The following SEMA6B variants were observed in gnomAD, a reference collection of about 807,000 sequenced individuals.
SEMA6B encodes the protein semaphorin-6B.
A neutral mutation model predicts 78.6 loss-of-function variants in SEMA6B; 47 were observed. That is an observed-to-expected ratio of 0.60 (90% CI 0.47 to 0.76). The LOEUF is 0.76. Ranked by LOEUF, SEMA6B falls within the 30% of genes least tolerant of loss-of-function variation. The probability of loss-of-function intolerance (pLI) is 0.00; values close to 1 mark genes in which losing one functional copy is unlikely to be tolerated. For synonymous variants in SEMA6B, 632 were observed against 592.2 expected, an observed-to-expected ratio of 1.07 and a Z score of -0.98; for missense variants, 1,213 against 1,269.9, an observed-to-expected ratio of 0.96 and a Z score of 0.68.
chr19:4,543,863 G>C lies in SEMA6B; in HGVS notation c.2405C>G (p.Ser802Cys). ...HASPDRRRVV[S>C]APTGPLDPAS... ...TGGGTCCAAGGGGCCCGTGGGCGCG[G>C]ACACCACCCGCCGGCGGTCCGGGCT... The change falls in exon 17 of 17, where the codon TCC becomes TGC. Residue 802 changes from serine to cysteine, a missense_variant. Physicochemically the swap from Ser to Cys is moderately radical, Grantham distance 112 (BLOSUM62 -1). Transcript: ENST00000586582. The C allele has an allele frequency of 1.7e-6, 2 of 1,208,564 alleles. No homozygotes were observed. The highest frequency in any genetic ancestry group is 1.0e-6 in the Non-Finnish European group (1 of 973,218). The allele number at this position is 1,208,564 out of a possible 1,614,324, so 74.9% of individuals were successfully genotyped here.
intron 8 of SEMA6B, 137 bp from the exon 9 acceptor site, chr19:4,554,613 G>A (rs1977421028): frequency 1.5e-6 from 1 of 687,910 alleles, no homozygotes; most frequent in African/African-American, 1.8e-5. Flanking sequence ...CTCAAAGTTT[G>A]GTATTTTGCA....
Position 4,542,806 on chromosome 19 carries a change from A to G in SEMA6B, c.*795T>C. On this transcript the variant is annotated 3_prime_UTR_variant, in exon 17 of 17. Transcript: ENST00000586582. ...ACCTTCGCCGCCCCCCAGGCCCCCAAGCCCTTTAGACAGCTGCTGCCGATG... is the reference window on the plus strand; with the variant it reads ...ACCTTCGCCGCCCCCCAGGCCCCCAGGCCCTTTAGACAGCTGCTGCCGATG... 1 of 701,276 alleles carries G rather than the reference A, an allele frequency of 1.4e-6. No homozygotes were observed. Among genetic ancestry groups the G allele is most frequent in the Non-Finnish European group, 2.6e-6 (1 of 384,614 alleles). 43.4% of individuals were successfully genotyped at this position (701,276 alleles called of 1,614,324 possible). A position where few individuals can be genotyped will look rare whatever the true frequency, so the allele number is the denominator to read the frequency against.
In SEMA6B at chr19:4,550,874, T is replaced by C. The variant is rs1568255388; in HGVS notation, c.1046A>G (p.Glu349Gly). ...FDLTQVAAVF[E>G]GRFREQKSPE... The stretch of plus-strand genomic sequence containing the variant: ...GGACTTCTGCTCTCGGAAGCGGCCT[T>C]CAAACACAGCTGCCACCTGTGTCAG... The change falls in exon 11 of 17, where the codon GAA becomes GGA. Residue 349 changes from glutamate to glycine, a missense_variant. Glu to Gly is a moderately conservative substitution (Grantham distance 98). Transcript: ENST00000586582. The surrounding 1 kb of genome is among the most constrained non-coding windows in gnomAD (Gnocchi z 6.6). The C allele has an allele frequency of 1.2e-6, 2 of 1,613,370 alleles. No individual in the cohort carries two copies. The highest frequency in any genetic ancestry group is 1.3e-5 in the African/African-American group (1 of 74,878).
At chr19:4,546,369 C>T (rs368640812) in intron 15 of SEMA6B, 23 bp downstream of exon 15, 2 of 1,585,394 alleles carry the variant, frequency 1.3e-6, no homozygotes, top group South Asian at 1.1e-5. Context: ...ACACCCTCCA[C>T]CCACCTCCCT....
chr19:4,554,207 C>A (rs1050957806), intron 9 of SEMA6B, among the ~76,000 whole-genome samples, 181 bp downstream of exon 9: 9 of 152,228 alleles, frequency 5.9e-5, no homozygotes, highest in African/African-American at 2.2e-4. Flanking sequence ...GAGTGCTCCA[C>A]GGCTGCTCCG....
In SEMA6B at chr19:4,555,581, G is replaced by A. The variant is rs765370788; in HGVS notation, c.472-17C>T. 2 of 1,604,274 alleles carry A rather than the reference G, an allele frequency of 1.2e-6. No individual in the cohort carries two copies. The stretch of plus-strand genomic sequence containing the variant: ...GGTGTCTATCTGCAGGGACCATGGG[G>A]CCTGAGTGACAGATCTCCTGACCCC... On this transcript the variant is annotated splice_polypyrimidine_tract_variant and intron_variant, in intron 6 of 16. Coordinates refer to ENST00000586582, the MANE Select transcript of SEMA6B (RefSeq NM_032108.4). This position sits in a 1 kb window ranked among gnomAD's most constrained non-coding sequence, Gnocchi z 6.1.
Position 4,544,890 on chromosome 19 carries a change from C to A in SEMA6B, c.1739-361G>T, listed in dbSNP as rs537927966. Among the ~76,000 whole-genome samples the A allele has an allele frequency of 3.9e-5, 6 of 152,008 alleles. No homozygotes were observed. Among genetic ancestry groups the A allele is most frequent in the Non-Finnish European group, 7.4e-5 (5 of 68,004 alleles). On this transcript the variant is annotated intron_variant, in intron 16 of 16. Coordinates refer to ENST00000586582, the MANE Select transcript of SEMA6B (RefSeq NM_032108.4). This position sits in a 1 kb window ranked among gnomAD's most constrained non-coding sequence, Gnocchi z 5.1. The stretch of plus-strand genomic sequence containing the variant: ...CTTGTGATCCGCCCACCTCTGCCTC[C>A]CAAAGTGCTGGGATTACAGGCATAA...
intron 1 of SEMA6B, among the ~76,000 whole-genome samples, chr19:4,559,110 C>T (rs895199677): frequency 1.3e-5 from 2 of 151,560 alleles, no homozygotes; most frequent in African/African-American, 4.8e-5. Context: ...AGGAGAATCC[C>T]TTGAACCCAG....
At position 4,544,384 on chromosome 19, in the gene SEMA6B, C is replaced by T. The variant is rs1977109644; in HGVS notation, c.1884G>A (p.Arg628=). The T allele has an allele frequency of 3.8e-6, 6 of 1,594,942 alleles. No homozygotes were observed. The highest frequency in any genetic ancestry group is 4.3e-6 in the Non-Finnish European group (5 of 1,172,722). The change falls in exon 17 of 17, where the codon CGG becomes CGA. Residue 628 remains arginine, a synonymous_variant. Transcript: ENST00000586582. The surrounding 1 kb of genome is among the most constrained non-coding windows in gnomAD (Gnocchi z 5.1). ...VGWFVGLRER[R]ELARRKDKEA... ...CCTTGTCCTTGCGCCGGGCCAGCTC[C>T]CGCCGCTCACGGAGGCCCACGAACC...
chr19:4,550,888 C>T lies in SEMA6B; in HGVS notation c.1032G>A (p.Val344=). The change falls in exon 11 of 17, where the codon GTG becomes GTA. Residue 344 remains valine (V), a synonymous_variant. Coordinates refer to ENST00000586582, the MANE Select transcript of SEMA6B (RefSeq NM_032108.4). This position sits in a 1 kb window ranked among gnomAD's most constrained non-coding sequence, Gnocchi z 6.6. ...SAVCAFDLTQ[V]AAVFEGRFRE... is the part of the protein sequence containing the mutation. ...GGAAGCGGCCTTCAAACACAGCTGC[C>T]ACCTGTGTCAGGTCAAAGGCGCAGA... The T allele has an allele frequency of 1.2e-6, 2 of 1,613,586 alleles. No individual in the cohort carries two copies. The highest frequency in any genetic ancestry group is 1.7e-6 in the Non-Finnish European group (2 of 1,179,990).
rs1376233580 is a variant in SEMA6B, at chr19:4,555,397, C to T, written c.562+77G>A. On this transcript the variant is annotated intron_variant, in intron 7 of 16. Coordinates refer to ENST00000586582, the MANE Select transcript of SEMA6B (RefSeq NM_032108.4). This position sits in a 1 kb window ranked among gnomAD's most constrained non-coding sequence, Gnocchi z 6.1. ...GGTCGTCCAGCTGCCTTCTAAACAA[C>T]CCAGACGCTGGAGTAGAAAATGCCA... 8.3e-6 allele frequency: 11 copies of T among 1,327,994 alleles called. No individual in the cohort carries two copies. The highest frequency in any genetic ancestry group is 1.2e-5 in the Non-Finnish European group (11 of 949,574). The allele number at this position is 1,327,994 out of a possible 1,614,324, so 82.3% of individuals were successfully genotyped here. A position where few individuals can be genotyped will look rare whatever the true frequency, so the allele number is the denominator to read the frequency against.
At chr19:4,551,360 C>T (rs1977327592) in intron 10 of SEMA6B, among the ~76,000 whole-genome samples, 1 of 151,586 alleles carries the variant, frequency 6.6e-6, no homozygotes, top group Non-Finnish European at 1.5e-5. Flanking sequence ...GCTGGAATTA[C>T]AGGTGCCCAC....
In SEMA6B at chr19:4,543,819, G is replaced by A. The variant is rs1199990839; in HGVS notation, c.2449C>T (p.Leu817Phe). 13 of 1,215,744 alleles carry A rather than the reference G, an allele frequency of 1.1e-5. No homozygotes were observed. Among genetic ancestry groups the A allele is most frequent in the Middle Eastern group, 6.4e-4 (2 of 3,112 alleles). The allele number at this position is 1,215,744 out of a possible 1,614,324, so 75.3% of individuals were successfully genotyped here. A position where few individuals can be genotyped will look rare whatever the true frequency, so the allele number is the denominator to read the frequency against. ...PLDPASAADGLPRPWSPPPTG... is the reference protein window; with the variant it reads ...PLDPASAADGFPRPWSPPPTG... ...GGGGGCGGGCTCCAGGGCCGCGGGA[G>A]GCCATCGGCGGCTGAGGCTGGGTCC... Residue 817 changes from leucine to phenylalanine, a missense_variant, in exon 17 of 17, where the codon CTC becomes TTC. Physicochemically the swap from Leu to Phe is conservative, Grantham distance 22. Transcript: ENST00000586582.
In SEMA6B at chr19:4,558,362, C is replaced by A; in HGVS notation, c.96G>T (p.Pro32=). Residue 32 remains proline (P), a synonymous_variant, in exon 2 of 17, where the codon CCG becomes CCT. Transcript: ENST00000586582. This position sits in a 1 kb window ranked among gnomAD's most constrained non-coding sequence, Gnocchi z 5.1. ...GAHGLFPEEP[P]PLSVAPRDYL... ...AGTCCCTGGGGGCCACGCTAAGCGGCGGCGGCTCCTCAGGAAAGAGGCCGT... is the reference window on the plus strand; with the variant it reads ...AGTCCCTGGGGGCCACGCTAAGCGGAGGCGGCTCCTCAGGAAAGAGGCCGT... The A allele has an allele frequency of 7.7e-7, 1 of 1,290,932 alleles. No homozygotes were observed. Among genetic ancestry groups the A allele is most frequent in the Non-Finnish European group, 9.9e-7 (1 of 1,010,218 alleles). 80.0% of individuals were successfully genotyped at this position (1,290,932 alleles called of 1,614,324 possible).
At position 4,558,272 on chromosome 19, in the gene SEMA6B, C is replaced by T. The variant is rs1476072090; in HGVS notation, c.121+65G>A. On this transcript the variant is annotated intron_variant, in intron 2 of 16. Coordinates refer to ENST00000586582, the MANE Select transcript of SEMA6B (RefSeq NM_032108.4). This position sits in a 1 kb window ranked among gnomAD's most constrained non-coding sequence, Gnocchi z 5.1. The stretch of plus-strand genomic sequence containing the variant: ...TGAGTCCCCCAGTGGGGGCAGCAGA[C>T]CCAACTGGGAACCCAGATACTCCCA... The T allele has an allele frequency of 2.3e-6, 3 of 1,306,550 alleles. No homozygotes were observed. Among genetic ancestry groups the T allele is most frequent in the Non-Finnish European group, 2.9e-6 (3 of 1,017,574 alleles). The allele number at this position is 1,306,550 out of a possible 1,614,324, so 80.9% of individuals were successfully genotyped here. A position where few individuals can be genotyped will look rare whatever the true frequency, so the allele number is the denominator to read the frequency against.
chr19:4,548,588 G>A, intron 12 of SEMA6B, 143 bp from the exon 13 acceptor site: 1 of 779,480 alleles, frequency 1.3e-6, no homozygotes, highest in Non-Finnish European at 2.0e-6. Context: ...GTGCATGGAT[G>A]CCGGGGACAT....
intron 12 of SEMA6B, 77 bp from the exon 13 acceptor site, chr19:4,548,522 C>G: frequency 7.3e-7 from 1 of 1,367,474 alleles, no homozygotes; most frequent in Non-Finnish European, 1.0e-6. Flanking sequence ...GCCATAGTTA[C>G]ACGGGTGCAT....
At chr19:4,553,886 G>A (rs913792604) in intron 9 of SEMA6B, among the ~76,000 whole-genome samples, 1 of 151,730 alleles carries the variant, frequency 6.6e-6, no homozygotes, top group African/African-American at 2.4e-5. Flanking sequence ...ACTGATAGAT[G>A]GATAGGATGG....
Position 4,544,525 on chromosome 19 carries a change from G to A in SEMA6B, c.1743C>T (p.Leu581=). Residue 581 remains leucine (L), a synonymous_variant, in exon 17 of 17, where the codon CTC becomes CTT. Coordinates refer to ENST00000586582, the MANE Select transcript of SEMA6B (RefSeq NM_032108.4). The surrounding 1 kb of genome is among the most constrained non-coding windows in gnomAD (Gnocchi z 5.1). ...STSGLGDCTG[L]LRASLSEDRA... is the part of the protein sequence containing the mutation. Reference sequence around the variant, plus strand: ...GGTCCTCGGAGAGGCTGGCCCGCAGGAGTCCTGGCCGGGGAGCACAGGGGG... The same window carrying A: ...GGTCCTCGGAGAGGCTGGCCCGCAGAAGTCCTGGCCGGGGAGCACAGGGGG... 4 of 1,528,468 alleles carry A rather than the reference G, an allele frequency of 2.6e-6. No individual in the cohort carries two copies. Among genetic ancestry groups the A allele is most frequent in the Non-Finnish European group, 3.5e-6 (4 of 1,134,888 alleles). The allele number at this position is 1,528,468 out of a possible 1,614,324, so 94.7% of individuals were successfully genotyped here.
Sources: allele counts gnomAD v4.1 joint callset (sites outside exome capture counted in the v4.1 genomes callset), GRCh38; gene constraint gnomAD v4.1.1; non-coding constraint Gnocchi (gnomAD v3.1); transcripts MANE v1.5; gene names NCBI Gene and HGNC (gene_info 2026-07-23, HGNC 2026-07-21).